RYR2: variants seen among roughly 807,000 people sequenced by gnomAD.
RYR2 encodes the protein ryanodine receptor 2, also known as cardiac muscle ryanodine receptor-calcium release channel.
RYR2 carries 227 observed loss-of-function variants against 601.1 expected under a neutral mutation model. The observed-to-expected ratio is 0.38, with a 90% CI of 0.34 to 0.42. RYR2 has a LOEUF of 0.42. Ranked by LOEUF, RYR2 falls within the 10% of genes least tolerant of loss-of-function variation. The pLI is 1.00. For synonymous variants in RYR2, 2,223 were observed against 2,175.1 expected (o/e 1.02, Z -0.61); for missense variants, 4,646 against 6,156.5 (o/e 0.75, Z 8.21).
chr1:237,259,423 G>T (rs1251196466), intron 1 of RYR2, among the ~76,000 whole-genome samples: 1 of 151,564 alleles, frequency 6.6e-6, no homozygotes, highest in Non-Finnish European at 1.5e-5. Flanking sequence ...CAGGAGAATC[G>T]CTTGAACCTA....
At chr1:237,252,667 T>G (rs768017615) in intron 1 of RYR2, among the ~76,000 whole-genome samples, 1 of 152,310 alleles carries the variant, frequency 6.6e-6, no homozygotes, top group East Asian at 1.9e-4. Flanking sequence ...ATTCTGGTAA[T>G]TGTTTCCTGG....
At chr1:237,043,415 G>C (rs766620801) in intron 1 of RYR2, among the ~76,000 whole-genome samples, 28 of 152,184 alleles carry the variant, frequency 1.8e-4, no homozygotes, top group Non-Finnish European at 1.0e-4. Context: ...GGGCAGGGTG[G>C]CTGCCCGGGA....
intron 104 of RYR2, among the ~76,000 whole-genome samples, chr1:237,832,215 T>TTG (rs1423286289): frequency 6.9e-6 from 1 of 144,398 alleles, no homozygotes; most frequent in Non-Finnish European, 1.5e-5. Context: ...TTTTTTGTGT[T>TTG]TTTTTTTTTT....
chr1:237,750,252 C>G (rs1026512587), intron 80 of RYR2, among the ~76,000 whole-genome samples: 5 of 151,970 alleles, frequency 3.3e-5, no homozygotes. Context: ...ATACATAACA[C>G]AGTAAGCTGA....
chr1:237,376,895 A>G (rs368602490), intron 7 of RYR2, among the ~76,000 whole-genome samples: 81 of 152,290 alleles, frequency 5.3e-4, no homozygotes, highest in African/African-American at 1.3e-3. Flanking sequence ...TACTGAGAAC[A>G]TTTTCAAAAA....
chr1:237,558,518 C>G lies in RYR2; in HGVS notation c.3214+7827C>G, dbSNP rs568051731. The stretch of plus-strand genomic sequence containing the variant: ...CCCTTGTATGTGATGAGTTGCTTCT[C>G]TCTTGCTGTTTTCAGGATTCTCTCT... On this transcript the variant is annotated intron_variant, in intron 27 of 104. Coordinates refer to ENST00000366574, the MANE Select transcript of RYR2 (RefSeq NM_001035.3). 6.8e-4 allele frequency among the ~76,000 whole-genome samples: 104 copies of G among 152,248 alleles called. 1 individual carries two copies. In the South Asian group the frequency reaches 0.017, roughly 25 times the overall value.
intron 61 of RYR2, among the ~76,000 whole-genome samples, chr1:237,678,982 A>G (rs566097834): frequency 1.3e-5 from 2 of 152,274 alleles, no homozygotes; most frequent in South Asian, 4.1e-4. Context: ...TTTGACTTGT[A>G]GTATGTTTTC....
chr1:237,623,927 C>T, intron 39 of RYR2, 57 bp downstream of exon 39: 1 of 1,155,072 alleles, frequency 8.7e-7, no homozygotes, highest in Non-Finnish European at 1.3e-6. Context: ...TCCATATATC[C>T]TGAGACGAAA....
chr1:237,046,643 A>G (rs1342112213), intron 1 of RYR2, among the ~76,000 whole-genome samples: 3 of 152,212 alleles, frequency 2.0e-5, no homozygotes, highest in Non-Finnish European at 4.4e-5. Flanking sequence ...CGCTTAGGGC[A>G]CTAATTTATT....
rs762838178 is a variant in RYR2, at chr1:237,648,503, A to G, written c.7402A>G (p.Met2468Val). 1 of 1,611,314 alleles carries G rather than the reference A, an allele frequency of 6.2e-7. No individual in the cohort carries two copies. The highest frequency in any genetic ancestry group is 1.1e-5 in the South Asian group (1 of 90,296). The change falls in exon 49 of 105, where the codon ATG (methionine) becomes GTG (valine). Residue 2468 changes from methionine (M) to valine (V), a missense_variant. Met to Val is a conservative substitution (Grantham distance 21). Transcript: ENST00000366574. Reference protein sequence around the residue: ...AGFCPDHKAAMVLFLDRVYGI... With the variant: ...AGFCPDHKAAVVLFLDRVYGI... ...GTTTTGCCCAGATCACAAGGCAGCC[A>G]TGGTTTTATTCCTTGACAGGGTCTA...
chr1:237,090,174 C>T (rs955236137), intron 1 of RYR2, among the ~76,000 whole-genome samples: 2 of 152,168 alleles, frequency 1.3e-5, no homozygotes, highest in African/African-American at 4.8e-5. Context: ...CTGGATCCCT[C>T]CCATGCTATG....
chr1:237,419,879 A>C (rs1161200133), intron 11 of RYR2, among the ~76,000 whole-genome samples: 3 of 152,134 alleles, frequency 2.0e-5, no homozygotes, highest in Non-Finnish European at 4.4e-5. Context: ...GGAAGTTTAC[A>C]TGTCTTATAT....
At chr1:237,168,671 A>AAT (rs1454515499) in intron 1 of RYR2, among the ~76,000 whole-genome samples, 1 of 150,474 alleles carries the variant, frequency 6.6e-6, no homozygotes, top group African/African-American at 2.4e-5. Flanking sequence ...AGGAATTTAG[A>AAT]ATGTTTAGAT....
chr1:237,274,066 C>A (rs554209091), intron 2 of RYR2, among the ~76,000 whole-genome samples: 211 of 141,042 alleles, frequency 1.5e-3, no homozygotes, highest in African/African-American at 5.0e-3. Context: ...ATAAATATAC[C>A]TTTATATTAT....
chr1:237,672,854 G>A (rs528924858), intron 58 of RYR2, among the ~76,000 whole-genome samples: 1 of 152,178 alleles, frequency 6.6e-6, no homozygotes, highest in South Asian at 2.1e-4. Context: ...CCTTATTATG[G>A]TTAGTATTTG....
At chr1:237,611,926 T>C (rs940416090) in intron 36 of RYR2, among the ~76,000 whole-genome samples, 8 of 152,142 alleles carry the variant, frequency 5.3e-5, no homozygotes, top group African/African-American at 1.9e-4. Flanking sequence ...ACTCCTCGTA[T>C]ATACCCAAGA....
chr1:237,113,179 T>C (rs959662810), intron 1 of RYR2, among the ~76,000 whole-genome samples: 1 of 151,762 alleles, frequency 6.6e-6, no homozygotes, highest in African/African-American at 2.4e-5. Context: ...CTCTCTTTTA[T>C]TTATTTTATT....
chr1:237,210,666 G>A (rs962517502), intron 1 of RYR2, among the ~76,000 whole-genome samples: 12 of 152,248 alleles, frequency 7.9e-5, no homozygotes, highest in Middle Eastern at 3.4e-3. Flanking sequence ...ACTGGGTGCC[G>A]TGTGTTGGTC....
chr1:237,202,182 C>T (rs1681270439), intron 1 of RYR2, among the ~76,000 whole-genome samples: 1 of 152,162 alleles, frequency 6.6e-6, no homozygotes, highest in Admixed American at 6.6e-5. Context: ...TTTGCATTAA[C>T]ATTTCCCTCA....
Sources: gnomAD v4.1 joint callset for allele counts (sites outside exome capture counted in the v4.1 genomes callset) on GRCh38, gnomAD v4.1.1 for gene constraint, MANE v1.5 for transcripts, NCBI Gene and HGNC (gene_info 2026-07-23, HGNC 2026-07-21) for gene names.